Variants in ADGRB3 observed in about 807,000 individuals in gnomAD.
The protein encoded by ADGRB3 is adhesion G protein-coupled receptor B3.
Under a neutral mutation model 193.4 loss-of-function variants are expected in ADGRB3, and 37 were observed. The observed-to-expected ratio is 0.19, with a 90% CI of 0.15 to 0.25. The LOEUF (loss-of-function observed/expected upper bound fraction) is 0.25, where lower values mean the gene tolerates loss of function less well. ADGRB3 is among the 10% of genes least tolerant of loss of function. ADGRB3 has a pLI of 1.00. For missense variants in ADGRB3, 1,637 were observed against 1,852.9 expected (o/e 0.88, Z 2.14); for synonymous variants, 690 against 644.2 (o/e 1.07, Z -1.08).
chr6:69,338,864 TGGTGACAA>T, intron 24 of ADGRB3, 44 bp from the exon 25 acceptor site: 4 of 1,517,518 alleles, frequency 2.6e-6, no homozygotes, highest in Admixed American at 1.9e-5. Context: ...AATTTTTTTT[TGGTGACAA>T]TTCAATATTT....
In ADGRB3 at chr6:68,974,826, G is replaced by A. The variant is rs1287695946; in HGVS notation, c.1589G>A (p.Gly530Asp). Residue 530 changes from glycine (G) to aspartate (D), a missense_variant, in exon 9 of 32, where the codon GGC becomes GAC. By Grantham distance (94) the Gly-to-Asp change is moderately conservative. Coordinates refer to ENST00000370598, the MANE Select transcript of ADGRB3 (RefSeq NM_001704.3). ...MSMVWKRTPA[G>D]DLAFNQCPLN... The stretch of plus-strand genomic sequence containing the variant: ...ATGGTGTGGAAAAGAACTCCAGCAG[G>A]CGACTTGGCATTCAATCAATGTCCC... The A allele has an allele frequency of 1.9e-6, 3 of 1,613,798 alleles. No individual in the cohort carries two copies. The African/African-American group carries it at 4.0e-5, about 22-fold the overall frequency.
At chr6:68,699,295 C>T (rs780811027) in intron 3 of ADGRB3, among the ~76,000 whole-genome samples, 16 of 151,946 alleles carry the variant, frequency 1.1e-4, no homozygotes, top group Admixed American at 3.9e-4. Flanking sequence ...AAAACTAGCA[C>T]GTAAATGAGG....
chr6:69,295,188 A>G (rs1480900444), intron 20 of ADGRB3, among the ~76,000 whole-genome samples: 2 of 152,198 alleles, frequency 1.3e-5, no homozygotes, highest in Non-Finnish European at 2.9e-5. Flanking sequence ...CTTTGAATCC[A>G]TATCTAATAT....
At chr6:68,758,006 G>C (rs1766328645) in intron 3 of ADGRB3, among the ~76,000 whole-genome samples, 1 of 151,968 alleles carries the variant, frequency 6.6e-6, no homozygotes, top group Non-Finnish European at 1.5e-5. Flanking sequence ...TGTCGCTAAT[G>C]GGAAGCACCA....
intron 6 of ADGRB3, among the ~76,000 whole-genome samples, chr6:68,953,647 A>C (rs1767990624): frequency 6.6e-6 from 1 of 152,212 alleles, no homozygotes; most frequent in Non-Finnish European, 1.5e-5. Flanking sequence ...TGATTGTATC[A>C]GGCACTTGTA....
chr6:68,687,509 C>G (rs1451977659), intron 3 of ADGRB3, among the ~76,000 whole-genome samples: 1 of 151,944 alleles, frequency 6.6e-6, no homozygotes, highest in Non-Finnish European at 1.5e-5. Context: ...GCATATTTTG[C>G]CATGTATGTT....
chr6:68,815,133 G>A (rs1582223979), intron 3 of ADGRB3, among the ~76,000 whole-genome samples: 2 of 152,122 alleles, frequency 1.3e-5, no homozygotes, highest in East Asian at 3.9e-4. Flanking sequence ...GGGAGTTCTG[G>A]CCAGGGCAAT....
intron 17 of ADGRB3, among the ~76,000 whole-genome samples, chr6:69,224,798 G>A (rs1050901758): frequency 6.6e-6 from 1 of 151,920 alleles, no homozygotes; most frequent in Non-Finnish European, 1.5e-5. Context: ...AATGGCTGAA[G>A]CAAATGTTTT....
chr6:68,683,965 C>T (rs1418746782), intron 3 of ADGRB3, among the ~76,000 whole-genome samples: 3 of 152,014 alleles, frequency 2.0e-5, no homozygotes, highest in African/African-American at 7.3e-5. Context: ...AAGAGGACAT[C>T]TGCTTCTCAG....
chr6:68,886,104 T>G (rs1429682312), intron 3 of ADGRB3, among the ~76,000 whole-genome samples: 1 of 152,092 alleles, frequency 6.6e-6, no homozygotes, highest in East Asian at 1.9e-4. Context: ...TTTAATCAAT[T>G]TGCTTGTTAC....
At chr6:68,846,829 C>A (rs528486088) in intron 3 of ADGRB3, among the ~76,000 whole-genome samples, 1 of 152,332 alleles carries the variant, frequency 6.6e-6, no homozygotes, top group Non-Finnish European at 1.5e-5. Flanking sequence ...CCTACTGGGG[C>A]ACTGCCTAGT....
chr6:68,681,001 C>A (rs959460909), intron 3 of ADGRB3, among the ~76,000 whole-genome samples: 30 of 151,972 alleles, frequency 2.0e-4, no homozygotes, highest in Non-Finnish European at 3.7e-4. Flanking sequence ...GCAAGCTGTA[C>A]CAGAAGCATG....
chr6:68,887,630 A>G (rs2150227625), intron 3 of ADGRB3, among the ~76,000 whole-genome samples: 1 of 151,806 alleles, frequency 6.6e-6, no homozygotes, highest in South Asian at 2.1e-4. Context: ...TCTAACTTTA[A>G]TATTTCCAAT....
chr6:69,134,594 A>G (rs1457386541), intron 17 of ADGRB3, among the ~76,000 whole-genome samples: 1 of 152,040 alleles, frequency 6.6e-6, no homozygotes, highest in Non-Finnish European at 1.5e-5. Context: ...TGGTACAAGA[A>G]ATTGAAAGGA....
At chr6:69,165,367 G>A (rs191487189) in intron 17 of ADGRB3, among the ~76,000 whole-genome samples, 77 of 151,992 alleles carry the variant, frequency 5.1e-4, no homozygotes, top group Admixed American at 4.0e-3. Context: ...TCATTTTTGT[G>A]TCATCCTTGG....
At chr6:69,254,099 C>G (rs1265131085) in intron 20 of ADGRB3, among the ~76,000 whole-genome samples, 1 of 152,146 alleles carries the variant, frequency 6.6e-6, no homozygotes, top group Admixed American at 6.6e-5. Flanking sequence ...GTATGCCAAG[C>G]AAACACCCTT....
intron 20 of ADGRB3, among the ~76,000 whole-genome samples, chr6:69,323,477 A>G (rs1001394489): frequency 2.0e-5 from 3 of 152,090 alleles, no homozygotes; most frequent in African/African-American, 7.2e-5. Flanking sequence ...AGACTAGAGT[A>G]TAGGTATGAG....
intron 17 of ADGRB3, among the ~76,000 whole-genome samples, chr6:69,184,003 G>A (rs1210537491): frequency 6.6e-6 from 1 of 152,036 alleles, no homozygotes; most frequent in Non-Finnish European, 1.5e-5. Flanking sequence ...ACTCAAGTGT[G>A]ATAACTTAAA....
intron 6 of ADGRB3, among the ~76,000 whole-genome samples, chr6:68,944,473 C>G (rs1767723426): frequency 6.6e-6 from 1 of 152,078 alleles, no homozygotes; most frequent in Non-Finnish European, 1.5e-5. Flanking sequence ...CATAAAATGG[C>G]TAAATTGTAA....
Sources: allele counts gnomAD v4.1 joint callset (sites outside exome capture counted in the v4.1 genomes callset), GRCh38; gene constraint gnomAD v4.1.1; transcripts MANE v1.5; gene names NCBI Gene and HGNC (gene_info 2026-07-23, HGNC 2026-07-21).